The following THSD4 variants were observed in gnomAD, a reference collection of about 807,000 sequenced individuals.
THSD4 encodes the protein thrombospondin type-1 domain-containing protein 4.
In THSD4, 69 loss-of-function variants were observed where a neutral mutation model predicts 119.0. The observed-to-expected ratio is 0.58, with a 90% CI of 0.48 to 0.71. The LOEUF (loss-of-function observed/expected upper bound fraction) is 0.71. THSD4 is among the 30% of genes least tolerant of loss of function. The pLI is 0.00. For missense variants in THSD4, 1,393 were observed against 1,391.1 expected (o/e 1.00, Z -0.02); for synonymous variants, 524 against 540.4 (o/e 0.97, Z 0.42).
intron 1 of THSD4, among the ~76,000 whole-genome samples, chr15:71,131,528 A>AG (rs1416318232): frequency 6.6e-6 from 1 of 152,192 alleles, no homozygotes; most frequent in Non-Finnish European, 1.5e-5. Context: ...TGGGCAAATA[A>AG]GGTTGTAAAA....
At chr15:71,450,202 T>C (rs2047242640) in intron 7 of THSD4, among the ~76,000 whole-genome samples, 1 of 152,172 alleles carries the variant, frequency 6.6e-6, no homozygotes, top group South Asian at 2.1e-4. Context: ...AGTTAGTGAA[T>C]TGGGTGGCTG....
intron 7 of THSD4, among the ~76,000 whole-genome samples, chr15:71,604,387 C>A (rs1464323443): frequency 6.6e-6 from 1 of 152,156 alleles, no homozygotes; most frequent in Admixed American, 6.5e-5. Flanking sequence ...TTTATTGTCA[C>A]ACAGTTTTAT....
intron 4 of THSD4, among the ~76,000 whole-genome samples, chr15:71,227,590 A>G (rs745375526): frequency 2.0e-5 from 3 of 152,228 alleles, no homozygotes; most frequent in Non-Finnish European, 2.9e-5. Flanking sequence ...ACTATGTGCC[A>G]CATCATTGAC....
At chr15:71,136,314 C>T (rs902008218) in intron 1 of THSD4, among the ~76,000 whole-genome samples, 7 of 151,968 alleles carry the variant, frequency 4.6e-5, no homozygotes, top group African/African-American at 1.7e-4. Context: ...AGACTGGGGA[C>T]GGTAGGGGCA....
chr15:71,330,487 G>A (rs559191610), intron 6 of THSD4, among the ~76,000 whole-genome samples: 3 of 152,228 alleles, frequency 2.0e-5, no homozygotes, highest in Non-Finnish European at 2.9e-5. Flanking sequence ...ATTGTGATTC[G>A]TTGGGAAGCC....
upstream of THSD4, chr15:71,112,134 T>C (rs750342581): frequency 1.9e-6 from 3 of 1,613,602 alleles, no homozygotes; most frequent in Non-Finnish European, 8.5e-7. Flanking sequence ...CCTCAGAGAT[T>C]TGGGAGCCCT....
rs901997277 is a variant in THSD4 at position 71,778,196 on chromosome 15, A to G, written c.*822A>G. On this transcript the variant is annotated 3_prime_UTR_variant, in exon 18 of 18. Transcript: ENST00000261862. Reference sequence around the variant, plus strand: ...TTCATTTCTGACCAAGAGACTGAGAAGTTTCCCAGAATGCAAACAAAGCCC... The same window carrying G: ...TTCATTTCTGACCAAGAGACTGAGAGGTTTCCCAGAATGCAAACAAAGCCC... 1.3e-5 allele frequency: 2 copies of G among 152,312 alleles called. No individual in the cohort carries two copies. The highest frequency in any genetic ancestry group is 2.9e-5 in the Non-Finnish European group (2 of 68,130). The allele number at this position is 152,312 out of a possible 1,614,324, so 9.4% of individuals were successfully genotyped here.
chr15:71,608,980 G>A (rs1231785564), intron 7 of THSD4, among the ~76,000 whole-genome samples: 1 of 152,202 alleles, frequency 6.6e-6, no homozygotes, highest in Non-Finnish European at 1.5e-5. Context: ...CTGGGCAGGT[G>A]ATGAGCCCCA....
chr15:71,386,647 C>A (rs1008828231), intron 6 of THSD4, among the ~76,000 whole-genome samples: 1 of 152,156 alleles, frequency 6.6e-6, no homozygotes, highest in Non-Finnish European at 1.5e-5. Context: ...GATGTTACCA[C>A]GTGAAAGAGA....
At chr15:71,611,465 A>T (rs2050225781) in intron 7 of THSD4, among the ~76,000 whole-genome samples, 1 of 152,078 alleles carries the variant, frequency 6.6e-6, no homozygotes, top group African/African-American at 2.4e-5. Context: ...TCACTCAGCA[A>T]CCCCTGTGCC....
At position 71,280,862 on chromosome 15, in the gene THSD4, G is replaced by A. The variant is rs189795448; in HGVS notation, c.1015+24147G>A. Reference sequence around the variant, plus strand: ...CTGTGAATGGACTACATTACTGAAGGCTGTGAAATCACCCAAATTTGATCT... The same window carrying A: ...CTGTGAATGGACTACATTACTGAAGACTGTGAAATCACCCAAATTTGATCT... On this transcript the variant is annotated intron_variant, in intron 6 of 17. Coordinates refer to ENST00000261862, the MANE Select transcript of THSD4 (RefSeq NM_024817.3). 4.6e-5 allele frequency among the ~76,000 whole-genome samples: 7 copies of A among 152,326 alleles called. No individual in the cohort carries two copies. The South Asian group carries it at 1.2e-3, about 27-fold the overall frequency.
intron 8 of THSD4, among the ~76,000 whole-genome samples, chr15:71,676,035 C>G (rs1488418044): frequency 1.3e-5 from 2 of 152,188 alleles, no homozygotes; most frequent in Non-Finnish European, 2.9e-5. Context: ...GGCTAAATCT[C>G]CATAGTTATT....
At chr15:71,602,553 CAA>C (rs59370074) in intron 7 of THSD4, among the ~76,000 whole-genome samples, 4 of 53,898 alleles carry the variant, frequency 7.4e-5, no homozygotes, top group African/African-American at 2.0e-4. Flanking sequence ...AACTCTGTCT[CAA>C]AAAAAAAAAA....
chr15:71,663,469 C>G (rs181568779), intron 8 of THSD4, among the ~76,000 whole-genome samples: 123 of 152,306 alleles, frequency 8.1e-4, no homozygotes, highest in Middle Eastern at 3.4e-3. Flanking sequence ...CCTTCTAGAG[C>G]ACTTACGTCA....
intron 8 of THSD4, among the ~76,000 whole-genome samples, chr15:71,711,087 A>G (rs1271286764): frequency 6.7e-6 from 1 of 148,474 alleles, no homozygotes; most frequent in Admixed American, 6.8e-5. Flanking sequence ...ATATATGTAT[A>G]TATATATACA....
At chr15:71,773,370 G>C (rs1050689606) in intron 17 of THSD4, among the ~76,000 whole-genome samples, 1 of 152,174 alleles carries the variant, frequency 6.6e-6, no homozygotes, top group African/African-American at 2.4e-5. Flanking sequence ...AAGCAAATCA[G>C]GTACTCTGAA....
At chr15:71,673,787 C>T (rs556902262) in intron 8 of THSD4, among the ~76,000 whole-genome samples, 8 of 152,234 alleles carry the variant, frequency 5.3e-5, no homozygotes, top group Admixed American at 2.6e-4. Flanking sequence ...CAGAGAGTCT[C>T]GCTCTGTCGC....
chr15:71,644,929 C>T (rs28712234), intron 7 of THSD4, among the ~76,000 whole-genome samples: 3,513 of 152,156 alleles, frequency 0.023, 125 homozygotes, highest in African/African-American at 0.08. Flanking sequence ...TCAAAATGAA[C>T]ATTATACTGC....
intron 4 of THSD4, among the ~76,000 whole-genome samples, chr15:71,228,419 C>G (rs1311760057): frequency 6.6e-6 from 1 of 152,100 alleles, no homozygotes. Flanking sequence ...CCTAGTGATG[C>G]TGATTTTAAA....
Sources: allele counts gnomAD v4.1 joint callset (sites outside exome capture counted in the v4.1 genomes callset), GRCh38; gene constraint gnomAD v4.1.1; transcripts MANE v1.5; gene names NCBI Gene and HGNC (gene_info 2026-07-23, HGNC 2026-07-21).